Variants in SLC2A13 observed in about 807,000 individuals in gnomAD.
The protein encoded by SLC2A13 is proton myo-inositol cotransporter.
In SLC2A13, 32 loss-of-function variants were observed where a neutral mutation model predicts 64.4. The ratio of observed to expected loss-of-function variants is 0.50; its 90% confidence interval spans 0.37 to 0.67. SLC2A13 has a LOEUF of 0.67. SLC2A13 is among the 30% of genes least tolerant of loss of function. SLC2A13 has a pLI of 0.00. For synonymous variants in SLC2A13, 338 were observed against 327.1 expected (o/e 1.03, Z -0.36); for missense variants, 743 against 829.2 (o/e 0.90, Z 1.28).
At chr12:39,854,967 T>A (rs146386705) in intron 6 of SLC2A13, among the ~76,000 whole-genome samples, 2 of 152,322 alleles carry the variant, frequency 1.3e-5, no homozygotes, top group Admixed American at 1.3e-4. Context: ...CCTGTAAACT[T>A]GGATGAAAAG....
intron 7 of SLC2A13, among the ~76,000 whole-genome samples, chr12:39,820,202 T>C (rs1182431172): frequency 6.6e-6 from 1 of 152,204 alleles, no homozygotes; most frequent in African/African-American, 2.4e-5. Flanking sequence ...TGGTTAATCC[T>C]TGGAACTATT....
chr12:39,946,557 G>A (rs901024148), intron 4 of SLC2A13, among the ~76,000 whole-genome samples: 6 of 152,178 alleles, frequency 3.9e-5, no homozygotes, highest in African/African-American at 1.4e-4. Flanking sequence ...GGGGTTGAGG[G>A]TGAGATTCCC....
chr12:39,832,383 C>T (rs1942879577), intron 6 of SLC2A13, among the ~76,000 whole-genome samples: 1 of 152,106 alleles, frequency 6.6e-6, no homozygotes, highest in African/African-American at 2.4e-5. Context: ...AAATTATTCT[C>T]AATTTTATTT....
intron 1 of SLC2A13, chr12:40,068,364 C>G: frequency 2.8e-6 from 1 of 356,120 alleles, no homozygotes; most frequent in Non-Finnish European, 5.5e-6. Context: ...AGTATTATTA[C>G]CACTGTAGTG....
At chr12:39,976,862 G>A (rs1946769090) in intron 3 of SLC2A13, among the ~76,000 whole-genome samples, 3 of 152,002 alleles carry the variant, frequency 2.0e-5, no homozygotes, top group Admixed American at 2.0e-4. Context: ...GCACTTTCTG[G>A]CCTTATCATT....
chr12:39,836,318 C>G (rs1240238519), intron 6 of SLC2A13, among the ~76,000 whole-genome samples: 1 of 151,996 alleles, frequency 6.6e-6, no homozygotes, highest in South Asian at 2.1e-4. Flanking sequence ...AAATTAGAGT[C>G]CAGGCAAGTA....
intron 7 of SLC2A13, among the ~76,000 whole-genome samples, chr12:39,819,314 T>C (rs1034329268): frequency 2.0e-5 from 3 of 152,190 alleles, no homozygotes; most frequent in Non-Finnish European, 2.9e-5. Flanking sequence ...ATTTATGTCA[T>C]AGAAAGTTAA....
intron 4 of SLC2A13, among the ~76,000 whole-genome samples, chr12:39,925,030 A>AT (rs58902176): frequency 0.066 from 7,814 of 118,922 alleles, 415 homozygotes; most frequent in Middle Eastern, 0.16. Context: ...CATACAGATA[A>AT]TTTTTTTTTT....
intron 7 of SLC2A13, among the ~76,000 whole-genome samples, chr12:39,812,210 G>T (rs1340772652): frequency 6.6e-6 from 1 of 152,046 alleles, no homozygotes; most frequent in African/African-American, 2.4e-5. Flanking sequence ...TGGTAGAATG[G>T]AAGAGGGAAT....
intron 1 of SLC2A13, among the ~76,000 whole-genome samples, chr12:40,086,212 G>C (rs1161776702): frequency 6.6e-6 from 1 of 152,130 alleles, no homozygotes; most frequent in African/African-American, 2.4e-5. Flanking sequence ...TGCTGAGCAA[G>C]GCACCAATCA....
intron 7 of SLC2A13, among the ~76,000 whole-genome samples, chr12:39,820,057 T>G (rs563690421): frequency 6.6e-6 from 1 of 152,188 alleles, no homozygotes; most frequent in African/African-American, 2.4e-5. Flanking sequence ...TATTTATGGG[T>G]TTGTCCATGC....
chr12:40,082,181 AG>A (rs1565619611), intron 1 of SLC2A13, among the ~76,000 whole-genome samples: 2 of 152,220 alleles, frequency 1.3e-5, no homozygotes, highest in African/African-American at 4.8e-5. Flanking sequence ...TAGTGAGGTT[AG>A]CATGCACACG....
intron 4 of SLC2A13, among the ~76,000 whole-genome samples, chr12:39,900,901 A>G (rs970443452): frequency 2.6e-5 from 4 of 152,214 alleles, no homozygotes; most frequent in African/African-American, 9.6e-5. Context: ...AGCCAAAAGA[A>G]CAAAGCTGGA....
At chr12:40,101,292 C>A (rs1287272578) in intron 1 of SLC2A13, among the ~76,000 whole-genome samples, 2 of 152,112 alleles carry the variant, frequency 1.3e-5, no homozygotes, top group Admixed American at 6.5e-5. Context: ...AACAAATACA[C>A]ATATCCCTGA....
At chr12:39,848,261 A>G (rs537775015) in intron 6 of SLC2A13, among the ~76,000 whole-genome samples, 1 of 152,326 alleles carries the variant, frequency 6.6e-6, no homozygotes, top group African/African-American at 2.4e-5. Context: ...ATGTGAAAAA[A>G]CATTTACAAA....
At chr12:39,895,314 T>A (rs866611257) in intron 4 of SLC2A13, among the ~76,000 whole-genome samples, 57 of 150,932 alleles carry the variant, frequency 3.8e-4, no homozygotes, top group Admixed American at 4.0e-4. Flanking sequence ...TACGGGGAAA[T>A]CCCGTCTCTA....
chr12:40,100,836 G>A (rs375740885), intron 1 of SLC2A13, among the ~76,000 whole-genome samples: 2 of 151,904 alleles, frequency 1.3e-5, no homozygotes, highest in East Asian at 1.9e-4. Context: ...TGGTGGGCAG[G>A]CGCCTGTAAT....
intron 4 of SLC2A13, among the ~76,000 whole-genome samples, chr12:39,943,069 T>C (rs1946065938): frequency 6.6e-6 from 1 of 152,214 alleles, no homozygotes; most frequent in South Asian, 2.1e-4. Flanking sequence ...CATCTGCCTG[T>C]ATCACCAGCG....
chr12:39,780,988 C>T (rs898402838), intron 7 of SLC2A13, among the ~76,000 whole-genome samples: 3 of 152,172 alleles, frequency 2.0e-5, no homozygotes, highest in Admixed American at 1.3e-4. Context: ...AAGTCATTAT[C>T]GTAAAACTAT....
Sources: allele counts gnomAD v4.1 joint callset (sites outside exome capture counted in the v4.1 genomes callset), GRCh38; gene constraint gnomAD v4.1.1; transcripts MANE v1.5; gene names NCBI Gene and HGNC (gene_info 2026-07-23, HGNC 2026-07-21).